The following EXOC6B variants were observed in gnomAD, a reference collection of about 807,000 sequenced individuals.
EXOC6B encodes the protein exocyst complex component 6B.
A neutral mutation model predicts 113.5 loss-of-function variants in EXOC6B; 54 were observed. The observed-to-expected ratio is 0.48, with a 90% confidence interval of 0.38 to 0.60. The LOEUF is 0.60. Ranked by LOEUF, EXOC6B falls within the 20% of genes least tolerant of loss-of-function variation. The probability of loss-of-function intolerance (pLI) is 0.00; values close to 1 mark genes in which losing one functional copy is unlikely to be tolerated. For missense variants in EXOC6B, 797 were observed against 977.5 expected, an observed-to-expected ratio of 0.82 and a Z score of 2.46; for synonymous variants, 357 against 339.0, an observed-to-expected ratio of 1.05 and a Z score of -0.58.
intron 6 of EXOC6B, among the ~76,000 whole-genome samples, chr2:72,605,020 A>G (rs900116475): frequency 6.6e-6 from 1 of 152,152 alleles, no homozygotes; most frequent in African/African-American, 2.4e-5. Flanking sequence ...TTGGCCAGGC[A>G]CAGTGGCTCA....
chr2:72,428,418 T>C (rs577165123), intron 18 of EXOC6B, among the ~76,000 whole-genome samples: 2 of 152,316 alleles, frequency 1.3e-5, no homozygotes, highest in Admixed American at 6.5e-5. Context: ...GGGAAGCTGC[T>C]TGCCTTGCAC....
At chr2:72,749,158 TATAAG>T (rs1178604861) in intron 1 of EXOC6B, among the ~76,000 whole-genome samples, 3 of 152,052 alleles carry the variant, frequency 2.0e-5, no homozygotes, top group African/African-American at 4.8e-5. Flanking sequence ...TGCTGCTAAT[TATAAG>T]ATAAGATATA....
chr2:72,371,248 C>T (rs1322584322), intron 19 of EXOC6B, among the ~76,000 whole-genome samples: 4 of 151,982 alleles, frequency 2.6e-5, no homozygotes, highest in African/African-American at 2.4e-5. Flanking sequence ...CAGTTCACTG[C>T]GAGTTCTATC....
At chr2:72,502,955 C>T (rs1007251113) in intron 11 of EXOC6B, among the ~76,000 whole-genome samples, 16 of 152,262 alleles carry the variant, frequency 1.1e-4, no homozygotes, top group African/African-American at 3.1e-4. Context: ...TATACAGTCT[C>T]ATCTATTTAA....
At chr2:72,209,285 A>T (rs1181819579) in intron 20 of EXOC6B, among the ~76,000 whole-genome samples, 1 of 151,350 alleles carries the variant, frequency 6.6e-6, no homozygotes, top group Admixed American at 6.6e-5. Flanking sequence ...GAAATATTTA[A>T]TCTTACTTAG....
intron 16 of EXOC6B, among the ~76,000 whole-genome samples, chr2:72,489,057 C>T (rs527527099): frequency 1.2e-4 from 18 of 152,140 alleles, no homozygotes; most frequent in Non-Finnish European, 2.6e-4. Flanking sequence ...TTTGCTCTGG[C>T]TCTAATCTCT....
At chr2:72,200,027 G>A (rs1679395172) in intron 20 of EXOC6B, among the ~76,000 whole-genome samples, 1 of 152,134 alleles carries the variant, frequency 6.6e-6, no homozygotes, top group African/African-American at 2.4e-5. Context: ...CTCCCGAGTA[G>A]CTGGGATTAC....
At chr2:72,783,570 C>T (rs1471686563) in intron 1 of EXOC6B, among the ~76,000 whole-genome samples, 4 of 152,020 alleles carry the variant, frequency 2.6e-5, no homozygotes, top group Non-Finnish European at 5.9e-5. Context: ...GATCTGCCCA[C>T]CTCAGCCTCC....
intron 2 of EXOC6B, among the ~76,000 whole-genome samples, chr2:72,737,595 T>G (rs1681045696): frequency 6.6e-6 from 1 of 152,196 alleles, no homozygotes. Flanking sequence ...GGCTCAGACC[T>G]GTAATCCCAG....
At chr2:72,811,080 C>T (rs1337633101) in intron 1 of EXOC6B, among the ~76,000 whole-genome samples, 1 of 151,446 alleles carries the variant, frequency 6.6e-6, no homozygotes, top group African/African-American at 2.4e-5. Flanking sequence ...GGCCTGTAAT[C>T]CCAGCACTTT....
Position 72,699,694 on chromosome 2 carries a change from T to C in EXOC6B, c.669+18409A>G, listed in dbSNP as rs372161680. ...GAAAGGTACAAATTAATAACAGACT[T>C]TAGCCTGATTAAAAAAAACAATGTT... On this transcript the variant is annotated intron_variant, in intron 6 of 21. Transcript: ENST00000272427. Among the ~76,000 whole-genome samples the C allele has an allele frequency of 2.0e-4, 30 of 152,146 alleles. No homozygotes were observed. The East Asian group carries it at 5.4e-3, about 27-fold the overall frequency.
At chr2:72,481,938 C>A (rs1699123145) in intron 16 of EXOC6B, among the ~76,000 whole-genome samples, 1 of 152,164 alleles carries the variant, frequency 6.6e-6, no homozygotes, top group South Asian at 2.1e-4. Context: ...TTTTCCTACA[C>A]TGTTTTCCCA....
At chr2:72,579,390 T>A (rs1705063845) in intron 6 of EXOC6B, among the ~76,000 whole-genome samples, 1 of 152,166 alleles carries the variant, frequency 6.6e-6, no homozygotes, top group Admixed American at 6.5e-5. Context: ...ATTCTTAGAC[T>A]GCCCCAAGTC....
At chr2:72,679,260 G>T (rs900004264) in intron 6 of EXOC6B, among the ~76,000 whole-genome samples, 3 of 151,964 alleles carry the variant, frequency 2.0e-5, no homozygotes, top group Non-Finnish European at 4.4e-5. Context: ...TAAAGACAGG[G>T]TTTCACCATG....
intron 1 of EXOC6B, among the ~76,000 whole-genome samples, chr2:72,746,661 A>C (rs1681716749): frequency 1.3e-5 from 2 of 152,134 alleles, no homozygotes; most frequent in Non-Finnish European, 2.9e-5. Flanking sequence ...TGCTTGTCAA[A>C]GAAGGAGGAA....
intron 6 of EXOC6B, among the ~76,000 whole-genome samples, chr2:72,654,958 T>C (rs1395491038): frequency 6.6e-6 from 1 of 152,212 alleles, no homozygotes; most frequent in Non-Finnish European, 1.5e-5. Flanking sequence ...TAACTCATTC[T>C]CATTATTTAC....
intron 20 of EXOC6B, among the ~76,000 whole-genome samples, chr2:72,208,637 T>C (rs138595015): frequency 1.3e-5 from 2 of 152,240 alleles, no homozygotes; most frequent in African/African-American, 4.8e-5. Context: ...GGAGCTCTGT[T>C]TTAAGTTCAG....
chr2:72,575,442 C>A (rs755579488), intron 7 of EXOC6B, 50 bp downstream of exon 7: 3 of 1,520,164 alleles, frequency 2.0e-6, no homozygotes, highest in Non-Finnish European at 1.8e-6. Flanking sequence ...CTCAACCATA[C>A]TATTTAAGCT....
intron 20 of EXOC6B, among the ~76,000 whole-genome samples, chr2:72,269,546 C>T (rs1684346469): frequency 6.6e-6 from 1 of 152,118 alleles, no homozygotes; most frequent in Non-Finnish European, 1.5e-5. Context: ...CACAGTGGCT[C>T]ACACCTATCA....
Sources: gnomAD v4.1 joint callset for allele counts (sites outside exome capture counted in the v4.1 genomes callset) on GRCh38, gnomAD v4.1.1 for gene constraint, MANE v1.5 for transcripts, NCBI Gene and HGNC (gene_info 2026-07-23, HGNC 2026-07-21) for gene names.